ADGRG6: variants seen among roughly 807,000 people sequenced by gnomAD.
The protein encoded by ADGRG6 is adhesion G protein-coupled receptor G6, also known as G-protein coupled receptor 126.
Under a neutral mutation model 142.4 loss-of-function variants are expected in ADGRG6, and 84 were observed. The ratio of observed to expected loss-of-function variants is 0.59; its 90% CI spans 0.49 to 0.71. The LOEUF (loss-of-function observed/expected upper bound fraction) is 0.71. Among genes scored for constraint, ADGRG6 ranks in the 30% least tolerant of loss-of-function variants. ADGRG6 has a pLI of 0.00. For synonymous variants in ADGRG6, 521 were observed against 520.5 expected (o/e 1.00, Z -0.01); for missense variants, 1,367 against 1,466.6 (o/e 0.93, Z 1.11).
chr6:142,403,720 T>G (rs1356620070), intron 13 of ADGRG6, 82 bp from the exon 14 acceptor site: 13 of 832,944 alleles, frequency 1.6e-5, no homozygotes, highest in Non-Finnish European at 2.4e-5. Flanking sequence ...TTGTTTGTAT[T>G]TTGCCATGCA....
intron 24 of ADGRG6, among the ~76,000 whole-genome samples, chr6:142,438,972 C>A (rs1432792672): frequency 1.3e-5 from 2 of 152,094 alleles, no homozygotes; most frequent in Admixed American, 1.3e-4. Flanking sequence ...GTGAAAAATC[C>A]TGACGACACC....
chr6:142,336,795 G>A (rs756314330), intron 2 of ADGRG6, among the ~76,000 whole-genome samples: 1 of 152,196 alleles, frequency 6.6e-6, no homozygotes, highest in Non-Finnish European at 1.5e-5. Flanking sequence ...CTGAGTTTGT[G>A]AGAGATCTTA....
intron 20 of ADGRG6, among the ~76,000 whole-genome samples, chr6:142,416,505 T>C (rs374044072): frequency 2.6e-5 from 4 of 152,178 alleles, no homozygotes; most frequent in Admixed American, 6.6e-5. Flanking sequence ...AGAATACTTA[T>C]AGGATTATTG....
At chr6:142,416,761 C>T (rs921142464) in intron 20 of ADGRG6, among the ~76,000 whole-genome samples, 4 of 152,168 alleles carry the variant, frequency 2.6e-5, no homozygotes, top group Admixed American at 1.3e-4. Flanking sequence ...CATAGCATTT[C>T]CCCACTGAAA....
Position 142,445,794 on chromosome 6 carries a change from C to A in ADGRG6, c.*2279C>A, listed in dbSNP as rs1193047355. 6.6e-6 allele frequency: 1 copy of A among 152,078 alleles called. No homozygotes were observed. The highest frequency in any genetic ancestry group is 1.5e-5 in the Non-Finnish European group (1 of 68,008). The allele number at this position is 152,078 out of a possible 1,614,324, so 9.4% of individuals were successfully genotyped here. A position where few individuals can be genotyped will look rare whatever the true frequency, so the allele number is the denominator to read the frequency against. On this transcript the variant is annotated 3_prime_UTR_variant, in exon 25 of 25. Transcript: ENST00000367609. ...GGGAGCCTAAATTTAGTTCAGCTTACCTTTGAGAATAGCATCAATTCAGAC... is the reference window on the plus strand; with the variant it reads ...GGGAGCCTAAATTTAGTTCAGCTTAACTTTGAGAATAGCATCAATTCAGAC...
chr6:142,356,855 AT>A (rs779613940), intron 2 of ADGRG6, among the ~76,000 whole-genome samples: 22 of 152,312 alleles, frequency 1.4e-4, no homozygotes, highest in Non-Finnish European at 2.8e-4. Context: ...AAGGAAGGTG[AT>A]TTAGTCTGTC....
rs770281091 is a variant in ADGRG6 at position 142,419,892 on chromosome 6, A to G, written c.3107A>G (p.Asn1036Ser). The G allele has an allele frequency of 6.2e-5, 100 of 1,613,032 alleles. 2 individuals are homozygous for G. The South Asian group carries it at 9.8e-4, about 16-fold the overall frequency. Residue 1036 changes from asparagine (N) to serine (S), a missense_variant, in exon 22 of 25, where the codon AAC (asparagine) becomes AGC (serine). This residue lies in a region of ADGRG6 where 344 missense variants were observed against 348.7 expected (regional missense o/e 0.99). Coordinates refer to ENST00000367609, the MANE Select transcript of ADGRG6 (RefSeq NM_198569.3). Reference protein sequence around the residue: ...AGYFGVMFFLNIAMFIVVMVQ... With the variant: ...AGYFGVMFFLSIAMFIVVMVQ... ...TATTTTGGAGTCATGTTTTTTCTGA[A>G]CATTGCCATGTTCATTGTGGTAATG...
intron 21 of ADGRG6, among the ~76,000 whole-genome samples, chr6:142,418,742 G>A (rs1190201698): frequency 1.3e-5 from 2 of 152,054 alleles, no homozygotes; most frequent in Non-Finnish European, 2.9e-5. Flanking sequence ...CCTTTGTGGA[G>A]GTTATGTTCC....
chr6:142,307,567 G>T (rs1248563322), intron 1 of ADGRG6, among the ~76,000 whole-genome samples: 1 of 151,954 alleles, frequency 6.6e-6, no homozygotes, highest in East Asian at 1.9e-4. Context: ...GTTATTTCCA[G>T]TTCTTTTTGG....
intron 2 of ADGRG6, among the ~76,000 whole-genome samples, chr6:142,323,443 C>T (rs889245506): frequency 2.6e-5 from 4 of 151,980 alleles, no homozygotes; most frequent in Non-Finnish European, 4.4e-5. Flanking sequence ...GCTGATTTAG[C>T]GGATATTTTG....
intron 18 of ADGRG6, among the ~76,000 whole-genome samples, chr6:142,414,003 A>G (rs901599449): frequency 6.6e-6 from 1 of 152,118 alleles, no homozygotes; most frequent in Admixed American, 6.6e-5. Flanking sequence ...GGCAATTTAC[A>G]TATAGAAGGA....
intron 2 of ADGRG6, among the ~76,000 whole-genome samples, chr6:142,356,604 T>G (rs1461033195): frequency 6.6e-6 from 1 of 152,206 alleles, no homozygotes; most frequent in Non-Finnish European, 1.5e-5. Context: ...CTTGGAAACT[T>G]TTTTGTAGTA....
At chr6:142,336,500 C>G (rs1469692533) in intron 2 of ADGRG6, among the ~76,000 whole-genome samples, 3 of 152,138 alleles carry the variant, frequency 2.0e-5, no homozygotes, top group Non-Finnish European at 4.4e-5. Context: ...TAAATAACCA[C>G]AGCCCTTGGT....
In ADGRG6 at chr6:142,421,426, G is replaced by A. The variant is rs1370773472; in HGVS notation, c.3319+1322G>A. Among the ~76,000 whole-genome samples the A allele has an allele frequency of 2.0e-5, 3 of 152,164 alleles. No individual in the cohort carries two copies. The East Asian group carries it at 5.8e-4, about 29-fold the overall frequency. On this transcript the variant is annotated intron_variant, in intron 22 of 24. Coordinates refer to ENST00000367609, the MANE Select transcript of ADGRG6 (RefSeq NM_198569.3). ...TGCAACTCCAAAAATTGGAAAATGA[G>A]TATGTAGCATATAAATACATCTTTA...
intron 2 of ADGRG6, among the ~76,000 whole-genome samples, chr6:142,332,843 C>T (rs1779124374): frequency 6.6e-6 from 1 of 152,132 alleles, no homozygotes; most frequent in Admixed American, 6.6e-5. Flanking sequence ...TAAGAACAAG[C>T]CAGGAGGAGT....
intron 17 of ADGRG6, 130 bp from the exon 18 acceptor site, chr6:142,411,175 G>A (rs1582648830): frequency 1.7e-6 from 1 of 579,988 alleles, no homozygotes; most frequent in Non-Finnish European, 3.2e-6. Context: ...CTTTCATAAT[G>A]GTATCCATTT....
intron 9 of ADGRG6, 103 bp downstream of exon 9, chr6:142,394,061 T>C (rs747859222): frequency 3.1e-5 from 23 of 746,152 alleles, no homozygotes; most frequent in Non-Finnish European, 4.6e-5. Flanking sequence ...AAAAACTTAA[T>C]CACATAGCAC....
At chr6:142,365,680 G>T (rs2114843561) in intron 2 of ADGRG6, among the ~76,000 whole-genome samples, 1 of 152,250 alleles carries the variant, frequency 6.6e-6, no homozygotes, top group East Asian at 1.9e-4. Context: ...AGATGTCAGA[G>T]ACTTAGGGAG....
In ADGRG6 at chr6:142,370,236, T is replaced by C. The variant is rs372275604; in HGVS notation, c.512T>C (p.Val171Ala). 21 of 1,611,244 alleles carry C rather than the reference T, an allele frequency of 1.3e-5. No homozygotes were observed. The highest frequency in any genetic ancestry group is 1.7e-5 in the Non-Finnish European group (20 of 1,177,604). Residue 171 changes from valine (V) to alanine (A), a missense_variant, in exon 4 of 25, where the codon GTT becomes GCT. Val to Ala is a moderately conservative substitution (Grantham distance 64, BLOSUM62 0). This residue lies in a region of ADGRG6 where 737 missense variants were observed against 746.5 expected (regional missense o/e 0.99). Transcript: ENST00000367609. The stretch of plus-strand genomic sequence containing the variant: ...ACATCAGATGCTTACCAGGTATCTG[T>C]TGCAAAAAGCATCTCTATTCCAGAG... ...PQTSDAYQVSVAKSISIPELS... is the reference protein window; with the variant it reads ...PQTSDAYQVSAAKSISIPELS...
Sources: allele counts gnomAD v4.1 joint callset (sites outside exome capture counted in the v4.1 genomes callset), GRCh38; gene constraint gnomAD v4.1.1; regional missense constraint gnomAD v4.1.1; transcripts MANE v1.5; gene names NCBI Gene and HGNC (gene_info 2026-07-23, HGNC 2026-07-21).